STK32B: variants seen among roughly 807,000 people sequenced by gnomAD.
The protein encoded by STK32B is serine/threonine-protein kinase 32B.
In STK32B, 43 loss-of-function variants were observed where a neutral mutation model predicts 52.6. The observed-to-expected ratio is 0.82, with a 90% CI of 0.64 to 1.05. The LOEUF is 1.05. Ranked by LOEUF, STK32B falls within the 50% of genes least tolerant of loss-of-function variation. The pLI, the probability that STK32B is intolerant of heterozygous loss-of-function variation, is 0.00. For synonymous variants in STK32B, 238 were observed against 204.3 expected (o/e 1.17, Z -1.41); for missense variants, 621 against 534.6 (o/e 1.16, Z -1.59).
chr4:5,365,653 A>G (rs1295614489), intron 4 of STK32B, among the ~76,000 whole-genome samples: 2 of 151,992 alleles, frequency 1.3e-5, no homozygotes, highest in Non-Finnish European at 2.9e-5. Flanking sequence ...ATGAAAGTAC[A>G]AAGAGTTTCT....
At chr4:5,096,506 C>T (rs1367946940) in intron 1 of STK32B, among the ~76,000 whole-genome samples, 2 of 134,980 alleles carry the variant, frequency 1.5e-5, no homozygotes, top group Admixed American at 7.2e-5. Flanking sequence ...ACGGTCACCA[C>T]ACACATCCTC....
intron 3 of STK32B, among the ~76,000 whole-genome samples, chr4:5,316,137 A>G (rs1401643311): frequency 6.0e-5 from 6 of 100,408 alleles, no homozygotes; most frequent in Non-Finnish European, 5.6e-5. Context: ...TTCAAGTTAT[A>G]TATATATATA....
chr4:5,199,489 G>A (rs906941728), intron 3 of STK32B, among the ~76,000 whole-genome samples: 3 of 149,554 alleles, frequency 2.0e-5, no homozygotes, highest in South Asian at 2.1e-4. Flanking sequence ...CTTTGTGAAT[G>A]CTGTTTTTTT....
chr4:5,338,574 C>CT (rs1287298134), intron 4 of STK32B, among the ~76,000 whole-genome samples: 3 of 151,338 alleles, frequency 2.0e-5, no homozygotes, highest in African/African-American at 7.3e-5. Context: ...CCCTGAGACA[C>CT]TAAGTCATGT....
At chr4:5,303,834 T>C (rs1729739063) in intron 3 of STK32B, among the ~76,000 whole-genome samples, 1 of 152,170 alleles carries the variant, frequency 6.6e-6, no homozygotes, top group Non-Finnish European at 1.5e-5. Flanking sequence ...AAGTCTTTTA[T>C]CCATCTTGAG....
intron 3 of STK32B, among the ~76,000 whole-genome samples, chr4:5,188,395 A>T (rs1720914729): frequency 6.6e-6 from 1 of 152,178 alleles, no homozygotes; most frequent in Non-Finnish European, 1.5e-5. Context: ...AAGTGTTTGA[A>T]AGTCACATGG....
At chr4:5,201,986 C>T (rs1722186484) in intron 3 of STK32B, among the ~76,000 whole-genome samples, 1 of 152,178 alleles carries the variant, frequency 6.6e-6, no homozygotes, top group Non-Finnish European at 1.5e-5. Flanking sequence ...TCACGCCTTC[C>T]CAACAGTCCC....
At chr4:5,247,402 G>A (rs929740898) in intron 3 of STK32B, among the ~76,000 whole-genome samples, 8 of 152,210 alleles carry the variant, frequency 5.3e-5, no homozygotes, top group Admixed American at 1.3e-4. Flanking sequence ...CTGGTGTACC[G>A]TTTGTTAAGC....
rs1163835626 is a variant in STK32B, at chr4:5,051,669, C to G, written c.-195C>G. The G allele has an allele frequency of 1.6e-6, 1 of 613,618 alleles. No individual in the cohort carries two copies. The highest frequency in any genetic ancestry group is 2.7e-6 in the Non-Finnish European group (1 of 375,430). The allele number at this position is 613,618 out of a possible 1,614,324, so 38.0% of individuals were successfully genotyped here. On this transcript the variant is annotated 5_prime_UTR_variant, in exon 1 of 12. Transcript: ENST00000282908. ...GCGGCGAGAGCGGGGTCCCTGCGAGCGCAGTCGGAAGGGCGTCCAGGAGAA... is the reference window on the plus strand; with the variant it reads ...GCGGCGAGAGCGGGGTCCCTGCGAGGGCAGTCGGAAGGGCGTCCAGGAGAA...
intron 6 of STK32B, among the ~76,000 whole-genome samples, chr4:5,422,703 T>A (rs1226065819): frequency 2.0e-5 from 3 of 152,174 alleles, no homozygotes; most frequent in Non-Finnish European, 4.4e-5. Flanking sequence ...AGCGGGGTAC[T>A]GCTCTCCCAG....
intron 3 of STK32B, among the ~76,000 whole-genome samples, chr4:5,239,453 T>A (rs745470227): frequency 2.0e-5 from 3 of 152,066 alleles, no homozygotes; most frequent in Admixed American, 6.6e-5. Flanking sequence ...GAGGGGACAG[T>A]TGCAGGGACC....
At chr4:5,249,740 G>A (rs546148692) in intron 3 of STK32B, among the ~76,000 whole-genome samples, 3 of 152,144 alleles carry the variant, frequency 2.0e-5, no homozygotes, top group Admixed American at 6.5e-5. Context: ...CAGATTCTCA[G>A]TCTGGCTCTC....
chr4:5,278,195 G>C (rs1205603335), intron 3 of STK32B, among the ~76,000 whole-genome samples: 1 of 152,174 alleles, frequency 6.6e-6, no homozygotes, highest in African/African-American at 2.4e-5. Context: ...TAAAATTGCT[G>C]AGGAATGGTG....
intron 2 of STK32B, among the ~76,000 whole-genome samples, chr4:5,147,248 T>G (rs2108841108): frequency 6.6e-6 from 1 of 152,264 alleles, no homozygotes; most frequent in African/African-American, 2.4e-5. Flanking sequence ...TGTTTACTAG[T>G]AGGTATAAAA....
chr4:5,249,149 C>T (rs1184164537), intron 3 of STK32B, among the ~76,000 whole-genome samples: 2 of 152,202 alleles, frequency 1.3e-5, no homozygotes, highest in Non-Finnish European at 2.9e-5. Flanking sequence ...CACCATTGCT[C>T]TCCTGCTGCT....
intron 1 of STK32B, among the ~76,000 whole-genome samples, chr4:5,105,557 C>T (rs1305467390): frequency 6.6e-6 from 1 of 151,882 alleles, no homozygotes; most frequent in African/African-American, 2.4e-5. Flanking sequence ...CATTTTTACT[C>T]TCTTGCTGGT....
At chr4:5,233,215 AT>A (rs1231526587) in intron 3 of STK32B, among the ~76,000 whole-genome samples, 14 of 152,172 alleles carry the variant, frequency 9.2e-5, no homozygotes, top group Non-Finnish European at 2.9e-5. Flanking sequence ...CAGTACCAAG[AT>A]TTTGAATTAA....
In STK32B at chr4:5,389,378, G is replaced by A. The variant is rs74284724; in HGVS notation, c.435-8829G>A. Among the ~76,000 whole-genome samples, 23 of 152,308 alleles carry A rather than the reference G, an allele frequency of 1.5e-4. No individual in the cohort carries two copies. The East Asian group carries it at 4.4e-3, about 29-fold the overall frequency. Reference sequence around the variant, plus strand: ...TAATCATCTTACGGTTCTGAAAGCTGGAAGTCCAGGATAAGGGTGCCAGCA... The same window carrying A: ...TAATCATCTTACGGTTCTGAAAGCTAGAAGTCCAGGATAAGGGTGCCAGCA... On this transcript the variant is annotated intron_variant, in intron 4 of 11. Transcript: ENST00000282908.
In STK32B at chr4:5,181,329, GACAC is replaced by G. The variant is rs751590603; in HGVS notation, c.260+12915_260+12918del. On this transcript the variant is annotated intron_variant, in intron 3 of 11. Transcript: ENST00000282908. Reference sequence around the variant, plus strand: ...AAAAGAAGAGAAAGATGGAGAGTGAGACACACACACACACACACACACACACACA... The same window carrying G: ...AAAAGAAGAGAAAGATGGAGAGTGAGACACACACACACACACACACACACA... Among the ~76,000 whole-genome samples, 1,024 of 138,106 alleles carry G rather than the reference GACAC, an allele frequency of 7.4e-3. 10 individuals are homozygous for G. The highest frequency in any genetic ancestry group is 0.024 in the African/African-American group (887 of 37,724). The allele number at this position is 138,106 out of a possible 152,430, so 90.6% of individuals were successfully genotyped here.
Sources: gnomAD v4.1 joint callset for allele counts (sites outside exome capture counted in the v4.1 genomes callset) on GRCh38, gnomAD v4.1.1 for gene constraint, MANE v1.5 for transcripts, NCBI Gene and HGNC (gene_info 2026-07-23, HGNC 2026-07-21) for gene names.